Variants in PCDHGB3 observed in about 807,000 individuals in gnomAD.
PCDHGB3 encodes the protein protocadherin gamma-B3.
A neutral mutation model predicts 59.2 loss-of-function variants in PCDHGB3; 40 were observed. The ratio of observed to expected loss-of-function variants is 0.68; its 90% CI spans 0.52 to 0.88. The LOEUF is 0.88. Among genes scored for constraint, PCDHGB3 ranks in the 40% least tolerant of loss-of-function variants. The probability of loss-of-function intolerance (pLI) is 0.00; values close to 1 mark genes in which losing one functional copy is unlikely to be tolerated. For synonymous variants in PCDHGB3, 581 were observed against 503.6 expected, an observed-to-expected ratio of 1.15 and a Z score of -2.06; for missense variants, 1,309 against 1,187.9, an observed-to-expected ratio of 1.10 and a Z score of -1.50.
intron 1 of PCDHGB3, among the ~76,000 whole-genome samples, chr5:141,445,320 A>G (rs1462989860): frequency 1.3e-5 from 2 of 152,188 alleles, no homozygotes; most frequent in Non-Finnish European, 2.9e-5. Flanking sequence ...GGTTGAGAGA[A>G]CCCATCCAGA....
chr5:141,465,893 C>T (rs926928579), intron 1 of PCDHGB3, among the ~76,000 whole-genome samples: 23 of 152,078 alleles, frequency 1.5e-4, no homozygotes, highest in Middle Eastern at 3.4e-3. Context: ...GAGGCCGAGG[C>T]GGGCAAATCA....
At chr5:141,494,355 G>T (rs910437011) in intron 1 of PCDHGB3, among the ~76,000 whole-genome samples, 4 of 152,234 alleles carry the variant, frequency 2.6e-5, no homozygotes, top group African/African-American at 9.6e-5. Flanking sequence ...CCATCTTGCT[G>T]CAGAGGATGC....
At position 141,418,260 on chromosome 5, in the gene PCDHGB3, G is replaced by C. The variant is rs144490159; in HGVS notation, c.2415+45451G>C. On this transcript the variant is annotated intron_variant, in intron 1 of 3. Transcript: ENST00000576222. Reference sequence around the variant, plus strand: ...GTTAATGACCACGCCCCTCAATTCCGGAAAGATGAAATAAACTTAGAAATC... The same window carrying C: ...GTTAATGACCACGCCCCTCAATTCCCGAAAGATGAAATAAACTTAGAAATC... 2.5e-6 allele frequency: 4 copies of C among 1,613,888 alleles called. No individual in the cohort carries two copies. Among genetic ancestry groups the C allele is most frequent in the South Asian group, 1.1e-5 (1 of 91,088 alleles).
In PCDHGB3 at chr5:141,422,062, A is replaced by G. The variant is rs776838280; in HGVS notation, c.2415+49253A>G. The G allele has an allele frequency of 1.2e-6, 2 of 1,612,022 alleles. No individual in the cohort carries two copies. The highest frequency in any genetic ancestry group is 2.7e-5 in the African/African-American group (2 of 74,802). ...AGACGAGGGAATCAACGGGGAAGTAATGTATTCATTTCGGAACATGGAAAG... is the reference window on the plus strand; with the variant it reads ...AGACGAGGGAATCAACGGGGAAGTAGTGTATTCATTTCGGAACATGGAAAG... On this transcript the variant is annotated intron_variant, in intron 1 of 3. Transcript: ENST00000576222.
At chr5:141,407,347 TG>T (rs1273387665) in intron 1 of PCDHGB3, among the ~76,000 whole-genome samples, 1 of 152,176 alleles carries the variant, frequency 6.6e-6, no homozygotes, top group Non-Finnish European at 1.5e-5. Flanking sequence ...TATGTTAATT[TG>T]GGGAAAACAT....
chr5:141,440,527 T>G (rs1282939317), intron 1 of PCDHGB3: 3 of 152,222 alleles, frequency 2.0e-5, no homozygotes, highest in African/African-American at 7.2e-5. Context: ...TGAAGAATCA[T>G]GCACCACGGT....
chr5:141,453,052 G>A (rs1299518260), intron 1 of PCDHGB3, among the ~76,000 whole-genome samples: 2 of 152,062 alleles, frequency 1.3e-5, no homozygotes, highest in East Asian at 3.9e-4. Flanking sequence ...ATTATGTGCA[G>A]TTTTAGAGTT....
At chr5:141,383,382 T>C in intron 1 of PCDHGB3, 1 of 1,614,050 alleles carries the variant, frequency 6.2e-7, no homozygotes, top group East Asian at 2.2e-5. Context: ...GGGATCCAGA[T>C]GTGGGCACGA....
chr5:141,377,664 C>G (rs1042522537), intron 1 of PCDHGB3: 2 of 151,600 alleles, frequency 1.3e-5, no homozygotes, highest in African/African-American at 2.4e-5. Context: ...AAACGACAGA[C>G]GTTCATACAA....
At chr5:141,424,120 C>A in intron 1 of PCDHGB3, 2 of 650,838 alleles carry the variant, frequency 3.1e-6, no homozygotes, top group Non-Finnish European at 3.9e-6. Context: ...AAATTTTGAT[C>A]CTGTTGATTT....
At chr5:141,458,662 C>A (rs948275548) in intron 1 of PCDHGB3, among the ~76,000 whole-genome samples, 2 of 152,064 alleles carry the variant, frequency 1.3e-5, no homozygotes, top group Non-Finnish European at 2.9e-5. Flanking sequence ...CTCCACCTCT[C>A]GGGTTCAAGC....
At chr5:141,438,595 T>C (rs11949887) in intron 1 of PCDHGB3, among the ~76,000 whole-genome samples, 1,254 of 57,838 alleles carry the variant, frequency 0.022, 9 homozygotes, top group Non-Finnish European at 0.023. Flanking sequence ...TACATACATA[T>C]ATATATATAT....
In PCDHGB3 at chr5:141,389,793, C is replaced by T. The variant is rs773579820; in HGVS notation, c.2415+16984C>T. On this transcript the variant is annotated intron_variant, in intron 1 of 3. Coordinates refer to ENST00000576222, the MANE Select transcript of PCDHGB3 (RefSeq NM_018924.5). Reference sequence around the variant, plus strand: ...TGCCTTAGGCGACAGGGACGCCGTCCGCCAGCGCCTTCTGGTCGCCGTGCG... The same window carrying T: ...TGCCTTAGGCGACAGGGACGCCGTCTGCCAGCGCCTTCTGGTCGCCGTGCG... 8.7e-6 allele frequency: 14 copies of T among 1,613,452 alleles called. No homozygotes were observed. The Admixed American group carries it at 1.8e-4, about 21-fold the overall frequency.
chr5:141,502,862 C>T (rs2099816351), intron 2 of PCDHGB3, among the ~76,000 whole-genome samples: 1 of 68,558 alleles, frequency 1.5e-5, no homozygotes, highest in African/African-American at 1.0e-4. Context: ...CCCTGACTCT[C>T]TGTCTTTTTT....
At chr5:141,393,230 A>G (rs2092708331) in intron 1 of PCDHGB3, 1 of 1,613,764 alleles carries the variant, frequency 6.2e-7, no homozygotes, top group Non-Finnish European at 8.5e-7. Context: ...AAGATCTAGA[A>G]GTAAAAATTA....
intron 1 of PCDHGB3, among the ~76,000 whole-genome samples, chr5:141,472,039 A>T (rs913132856): frequency 1.3e-5 from 2 of 152,200 alleles, no homozygotes; most frequent in Non-Finnish European, 2.9e-5. Context: ...AGCTGTGAAA[A>T]GATTTTAAAA....
chr5:141,393,366 G>A (rs998330932), intron 1 of PCDHGB3: 1 of 1,613,874 alleles, frequency 6.2e-7, no homozygotes, highest in African/African-American at 1.3e-5. Context: ...CGTGCAGACT[G>A]GAGACAATGG....
At chr5:141,463,773 C>A (rs2099069188) in intron 1 of PCDHGB3, among the ~76,000 whole-genome samples, 1 of 152,088 alleles carries the variant, frequency 6.6e-6, no homozygotes, top group Non-Finnish European at 1.5e-5. Context: ...GGGTTAGAAT[C>A]CTGCACTGTC....
intron 1 of PCDHGB3, chr5:141,393,177 G>A (rs1330463387): frequency 6.2e-7 from 1 of 1,613,292 alleles, no homozygotes; most frequent in South Asian, 1.1e-5. Flanking sequence ...GGTAGAAATA[G>A]AAATAATTGA....
Sources: allele counts gnomAD v4.1 joint callset (sites outside exome capture counted in the v4.1 genomes callset), GRCh38; gene constraint gnomAD v4.1.1; transcripts MANE v1.5; gene names NCBI Gene and HGNC (gene_info 2026-07-23, HGNC 2026-07-21).